RBM6: variants seen among roughly 807,000 people sequenced by gnomAD.
RBM6 encodes RNA binding motif protein 6, also known as RNA-binding protein 6.
A neutral mutation model predicts 140.4 loss-of-function variants in RBM6; 23 were observed. That is an observed-to-expected ratio of 0.16 (90% CI 0.12 to 0.23). The LOEUF is 0.23. Ranked by LOEUF, RBM6 falls within the 10% of genes least tolerant of loss-of-function variation. The pLI, the probability that RBM6 is intolerant of heterozygous loss-of-function variation, is 1.00. For missense variants in RBM6, 1,139 were observed against 1,386.7 expected, an observed-to-expected ratio of 0.82 and a Z score of 2.84; for synonymous variants, 439 against 475.6, an observed-to-expected ratio of 0.92 and a Z score of 1.00.
intron 5 of RBM6, among the ~76,000 whole-genome samples, chr3:49,984,691 A>T (rs918223883): frequency 6.6e-6 from 1 of 151,582 alleles, no homozygotes; most frequent in Non-Finnish European, 1.5e-5. Flanking sequence ...ACAACATAAC[A>T]TAAATTTTCA....
chr3:49,997,556 G>C (rs2086143958), intron 5 of RBM6, among the ~76,000 whole-genome samples: 1 of 152,142 alleles, frequency 6.6e-6, no homozygotes, highest in East Asian at 1.9e-4. Context: ...GCTATGGAGA[G>C]GGTTGCTTTC....
intron 6 of RBM6, among the ~76,000 whole-genome samples, chr3:50,035,288 G>A (rs1386925547): frequency 1.3e-5 from 2 of 152,024 alleles, no homozygotes; most frequent in Admixed American, 6.6e-5. Flanking sequence ...GGCCAAGCAG[G>A]TGACCTGAAA....
intron 1 of RBM6, among the ~76,000 whole-genome samples, chr3:49,941,640 C>CAAAAAAAAAAAAAAAAAAAAAAAAAA (rs1171636981): frequency 1.7e-5 from 1 of 58,726 alleles, no homozygotes; most frequent in African/African-American, 7.2e-5. Context: ...AACTCTGTCT[C>CAAAAAAAAAAAAAAAAAAAAAAAAAA]AAAAAAAAAA....
intron 15 of RBM6, among the ~76,000 whole-genome samples, chr3:50,063,747 A>C (rs1401097319): frequency 6.6e-6 from 1 of 151,992 alleles, no homozygotes; most frequent in East Asian, 2.0e-4. Context: ...CTAAAAAGAC[A>C]AAAATTAGCT....
At chr3:50,038,102 G>A (rs1008778918) in intron 6 of RBM6, among the ~76,000 whole-genome samples, 10 of 152,112 alleles carry the variant, frequency 6.6e-5, no homozygotes, top group African/African-American at 2.4e-4. Context: ...GATTACAGGT[G>A]TGAGCCACCG....
intron 6 of RBM6, among the ~76,000 whole-genome samples, chr3:50,031,126 T>C (rs2088126989): frequency 6.6e-6 from 1 of 152,218 alleles, no homozygotes; most frequent in African/African-American, 2.4e-5. Context: ...ACTTTTACAC[T>C]GTTGGTGGGA....
chr3:50,025,390 TC>T (rs2087741154), intron 6 of RBM6, among the ~76,000 whole-genome samples: 1 of 151,556 alleles, frequency 6.6e-6, no homozygotes, highest in Non-Finnish European at 1.5e-5. Flanking sequence ...ACCACTGCAC[TC>T]CAGCCTGGGT....
At chr3:50,006,615 G>A (rs2086590897) in intron 6 of RBM6, among the ~76,000 whole-genome samples, 1 of 152,090 alleles carries the variant, frequency 6.6e-6, no homozygotes, top group African/African-American at 2.4e-5. Context: ...GATTAAATAA[G>A]TTAATGCATG....
chr3:49,969,288 G>T (rs970668008), intron 3 of RBM6, among the ~76,000 whole-genome samples: 1 of 146,840 alleles, frequency 6.8e-6, no homozygotes, highest in African/African-American at 2.5e-5. Context: ...CTCCCAAAGT[G>T]CTGGAATTAC....
intron 6 of RBM6, among the ~76,000 whole-genome samples, chr3:50,015,193 C>G (rs900468566): frequency 6.6e-6 from 1 of 151,192 alleles, no homozygotes; most frequent in Non-Finnish European, 1.5e-5. Context: ...TGCAACCCCC[C>G]GCCTGCCAGG....
intron 6 of RBM6, among the ~76,000 whole-genome samples, chr3:50,016,245 G>T (rs2087139834): frequency 6.6e-6 from 1 of 152,216 alleles, no homozygotes; most frequent in East Asian, 1.9e-4. Flanking sequence ...TGTCCTTCAT[G>T]TTTTTCCACA....
At chr3:50,012,673 A>G (rs1006558912) in intron 6 of RBM6, among the ~76,000 whole-genome samples, 6 of 151,414 alleles carry the variant, frequency 4.0e-5, no homozygotes, top group Admixed American at 3.3e-4. Context: ...AATTTTTTAC[A>G]AAAGTGATTT....
At position 50,057,797 on chromosome 3, in the gene RBM6, A is replaced by G; in HGVS notation, c.1763A>G (p.Glu588Gly). Residue 588 changes from glutamate (E) to glycine (G), a missense_variant, in exon 9 of 21, where the codon GAA becomes GGA. Glu to Gly is a moderately conservative substitution (Grantham distance 98). This residue lies in a region of RBM6 where 109 missense variants were observed against 101.9 expected (regional missense o/e 1.07). Coordinates refer to ENST00000266022, the MANE Select transcript of RBM6 (RefSeq NM_005777.3). ...AAAACATCCATACCAGCACCATTGGAAAAACAGCCCAACCAGCCCCTAAGA... is the reference window on the plus strand; with the variant it reads ...AAAACATCCATACCAGCACCATTGGGAAAACAGCCCAACCAGCCCCTAAGA... ...PQKTSIPAPL[E>G]KQPNQPLRPA... is the part of the protein sequence containing the mutation. 2 of 1,613,860 alleles carry G rather than the reference A, an allele frequency of 1.2e-6. No individual in the cohort carries two copies. Among genetic ancestry groups the G allele is most frequent in the Non-Finnish European group, 1.7e-6 (2 of 1,179,952 alleles).
chr3:50,038,774 A>G (rs1375520265), intron 6 of RBM6, among the ~76,000 whole-genome samples: 1 of 152,204 alleles, frequency 6.6e-6, no homozygotes, highest in Non-Finnish European at 1.5e-5. Flanking sequence ...AAGAGCTTGC[A>G]GTGAGCCGAG....
At chr3:49,999,967 A>AG (rs113151856) in intron 6 of RBM6, among the ~76,000 whole-genome samples, 1,682 of 152,308 alleles carry the variant, frequency 0.011, 40 homozygotes, top group African/African-American at 0.039. Context: ...TCCTGCCTGC[A>AG]GGGGCTACTT....
intron 1 of RBM6, among the ~76,000 whole-genome samples, chr3:49,959,476 G>A (rs1287412258): frequency 6.6e-6 from 1 of 151,358 alleles, no homozygotes; most frequent in Non-Finnish European, 1.5e-5. Context: ...TGGGATTACA[G>A]GTGTGAGCCG....
intron 4 of RBM6, among the ~76,000 whole-genome samples, chr3:49,972,673 C>G (rs1326812876): frequency 1.3e-5 from 2 of 152,144 alleles, no homozygotes; most frequent in Non-Finnish European, 2.9e-5. Flanking sequence ...AAATATTAAG[C>G]ATTACTGTAT....
At chr3:49,956,429 G>A (rs1259012092) in intron 1 of RBM6, among the ~76,000 whole-genome samples, 2 of 142,360 alleles carry the variant, frequency 1.4e-5, no homozygotes, top group African/African-American at 5.2e-5. Context: ...TCCGCCTCCC[G>A]GGTTCAGGCA....
chr3:49,966,362 C>T (rs921978234), intron 2 of RBM6, among the ~76,000 whole-genome samples: 1 of 152,076 alleles, frequency 6.6e-6, no homozygotes, highest in African/African-American at 2.4e-5. Flanking sequence ...TCATGTTTTC[C>T]TTTTTCATGT....
Sources: gnomAD v4.1 joint callset for allele counts (sites outside exome capture counted in the v4.1 genomes callset) on GRCh38, gnomAD v4.1.1 for gene constraint, gnomAD v4.1.1 regional missense constraint, MANE v1.5 for transcripts, NCBI Gene and HGNC (gene_info 2026-07-23, HGNC 2026-07-21) for gene names.